OTUD7B: variants seen among roughly 807,000 people sequenced by gnomAD.
OTUD7B encodes OTU deubiquitinase 7B.
A neutral mutation model predicts 82.2 loss-of-function variants in OTUD7B; 34 were observed. That is an observed-to-expected ratio of 0.41 (90% confidence interval 0.31 to 0.55). The LOEUF is 0.55. OTUD7B is among the 20% of genes least tolerant of loss of function. OTUD7B has a pLI of 0.20. For synonymous variants in OTUD7B, 398 were observed against 402.7 expected (o/e 0.99, Z 0.14); for missense variants, 944 against 1,062.1 (o/e 0.89, Z 1.55).
At chr1:150,024,073 T>C in the OTUD7B span, among the ~76,000 whole-genome samples, 59 of 152,334 alleles carry the variant, frequency 3.9e-4, no homozygotes, top group African/African-American at 1.3e-3. Context: ...AGACAATTAT[T>C]TCTCAATAGA....
the OTUD7B span, among the ~76,000 whole-genome samples, chr1:150,056,488 T>G: frequency 1.3e-5 from 2 of 152,252 alleles, no homozygotes; most frequent in East Asian, 3.9e-4. Context: ...GAAAAATTAA[T>G]TATAGCTAGG....
At chr1:150,059,306 C>CCCCT in the OTUD7B span, among the ~76,000 whole-genome samples, 1 of 42,242 alleles carries the variant, frequency 2.4e-5, no homozygotes, top group African/African-American at 1.1e-4. Context: ...ACCCCCCCCC[C>CCCCT]CCCCGCCTCC....
chr1:150,053,500 G>A, the OTUD7B span, among the ~76,000 whole-genome samples: 168 of 151,144 alleles, frequency 1.1e-3, no homozygotes, highest in Middle Eastern at 3.4e-3. Flanking sequence ...GGGTTCAATC[G>A]ATTCTCCTGT....
chr1:150,004,385 T>C (rs1553785629), intron 1 of OTUD7B, among the ~76,000 whole-genome samples: 1 of 151,580 alleles, frequency 6.6e-6, no homozygotes, highest in African/African-American at 2.4e-5. Context: ...CATGGTGAAA[T>C]CCTGTCTCTA....
chr1:150,057,478 T>C, the OTUD7B span, among the ~76,000 whole-genome samples: 3 of 152,200 alleles, frequency 2.0e-5, no homozygotes, highest in Non-Finnish European at 4.4e-5. Context: ...ATTGGTAAGT[T>C]CTCCCATGAG....
Position 149,967,394 on chromosome 1 carries a change from G to C in OTUD7B, c.402C>G (p.Ala134=), listed in dbSNP as rs782688957. ...ATACAGTGAGATCTGGAAGCTGGAA[G>C]GCACAGATGGGCATTTCCAGGGGGT... ...NEHPLEMPIC[A]FQLPDLTVYN... is the part of the protein sequence containing the mutation. Residue 134 remains alanine, a synonymous_variant, in exon 4 of 12, where the codon GCC becomes GCG. Transcript: ENST00000581312. The C allele has an allele frequency of 5.6e-6, 9 of 1,614,140 alleles. No individual in the cohort carries two copies.
At chr1:149,980,870 A>T (rs1258577824) in intron 1 of OTUD7B, among the ~76,000 whole-genome samples, 6 of 151,984 alleles carry the variant, frequency 3.9e-5, no homozygotes, top group Admixed American at 3.3e-4. Flanking sequence ...TAAACTAATT[A>T]AGCATGGTCG....
In OTUD7B at chr1:149,942,493, G is replaced by A. The variant is rs1431939131; in HGVS notation, c.*1364C>T. On this transcript the variant is annotated 3_prime_UTR_variant, in exon 12 of 12. Transcript: ENST00000581312. ...TCCCAGCCCCTAGAGAACAGGGAAG[G>A]GTCAGGGAAAGGGAGAAACCTAAAG... 6.6e-6 allele frequency: 1 copy of A among 152,506 alleles called. No homozygotes were observed. Among genetic ancestry groups the A allele is most frequent in the Non-Finnish European group, 1.5e-5 (1 of 68,032 alleles). The allele number at this position is 152,506 out of a possible 1,614,324, so 9.4% of individuals were successfully genotyped here. A position where few individuals can be genotyped will look rare whatever the true frequency, so the allele number is the denominator to read the frequency against.
At chr1:149,969,932 C>A (rs587750298) in intron 3 of OTUD7B, among the ~76,000 whole-genome samples, 2 of 152,136 alleles carry the variant, frequency 1.3e-5, no homozygotes, top group African/African-American at 2.4e-5. Context: ...GAACTCCTGA[C>A]CTCAGGTGAT....
At chr1:150,057,604 G>T in the OTUD7B span, among the ~76,000 whole-genome samples, 3 of 152,096 alleles carry the variant, frequency 2.0e-5, no homozygotes, top group African/African-American at 7.2e-5. Flanking sequence ...CAATAATCTT[G>T]TATTTGTAAG....
chr1:150,027,094 T>C, the OTUD7B span, among the ~76,000 whole-genome samples: 1 of 152,128 alleles, frequency 6.6e-6, no homozygotes, highest in Admixed American at 6.5e-5. Flanking sequence ...TATTACATTG[T>C]ATTGTACTGT....
chr1:150,000,320 C>T (rs1432890280), intron 1 of OTUD7B, among the ~76,000 whole-genome samples: 1 of 151,608 alleles, frequency 6.6e-6, no homozygotes, highest in African/African-American at 2.4e-5. Flanking sequence ...CTAAAAAATA[C>T]AAAAATTAGC....
Position 149,943,678 on chromosome 1 carries a change from C to T in OTUD7B, c.*179G>A. ...GTACAGCCCCTGAGGTGCCATCCAG[C>T]CCCGACCTGCTCTTGCCAGCCTGGC... On this transcript the variant is annotated 3_prime_UTR_variant, in exon 12 of 12. Transcript: ENST00000581312. The T allele has an allele frequency of 1.5e-6, 1 of 654,852 alleles. No individual in the cohort carries two copies. Among genetic ancestry groups the T allele is most frequent in the Non-Finnish European group, 2.7e-6 (1 of 375,516 alleles). 40.6% of individuals were successfully genotyped at this position (654,852 alleles called of 1,614,324 possible).
chr1:150,019,587 G>A, the OTUD7B span, among the ~76,000 whole-genome samples: 156 of 152,200 alleles, frequency 1.0e-3, no homozygotes, highest in African/African-American at 3.4e-3. Context: ...GGTTGGCCTC[G>A]AACTCCTGAA....
At chr1:150,024,216 T>G in the OTUD7B span, among the ~76,000 whole-genome samples, 1 of 152,364 alleles carries the variant, frequency 6.6e-6, no homozygotes, top group East Asian at 1.9e-4. Context: ...TTGTTTTAGA[T>G]CACCAACTCT....
At chr1:150,042,133 CCCTCCCTCCCTTCCTT>C in the OTUD7B span, among the ~76,000 whole-genome samples, 1 of 91,826 alleles carries the variant, frequency 1.1e-5, no homozygotes, top group African/African-American at 4.3e-5. Context: ...CTCCCTCCCT[CCCTCCCTCCCTTCCTT>C]CCTCCCTTCC....
At chr1:150,059,777 G>C in the OTUD7B span, among the ~76,000 whole-genome samples, 1 of 151,990 alleles carries the variant, frequency 6.6e-6, no homozygotes, top group Non-Finnish European at 1.5e-5. Flanking sequence ...GAGCAGCCTT[G>C]CTCTTCAAAG....
chr1:149,947,836 T>A (rs1375994556), intron 10 of OTUD7B, among the ~76,000 whole-genome samples: 1 of 152,064 alleles, frequency 6.6e-6, no homozygotes, highest in Admixed American at 6.5e-5. Context: ...ACACTCTCCA[T>A]CAGGAAGTTG....
chr1:149,982,716 C>G (rs1650849151), intron 1 of OTUD7B, among the ~76,000 whole-genome samples: 1 of 151,942 alleles, frequency 6.6e-6, no homozygotes, highest in Non-Finnish European at 1.5e-5. Context: ...ATACTAAGAC[C>G]ACCTCCACAA....
Sources: allele counts gnomAD v4.1 joint callset (sites outside exome capture counted in the v4.1 genomes callset), GRCh38; gene constraint gnomAD v4.1.1; transcripts MANE v1.5; gene names NCBI Gene and HGNC (gene_info 2026-07-23, HGNC 2026-07-21).